The following GAS5 variants were observed in gnomAD, a reference collection of about 807,000 sequenced individuals.
The protein encoded by GAS5 is growth arrest specific 5.
At chr1:173,864,401 T>C in intron 6 of GAS5, 1 of 519,132 alleles carries the variant, frequency 1.9e-6, no homozygotes, top group Non-Finnish European at 3.8e-6. Flanking sequence ...GGTTTTACAG[T>C]GATATCATTA....
At chr1:173,867,525 G>GA (rs1417627720), upstream of GAS5, 12 of 388,830 alleles carry the variant, frequency 3.1e-5, no homozygotes, top group Non-Finnish European at 5.7e-5. Context: ...AAAGAAAAAA[G>GA]AAACACTAAT....
upstream of GAS5, chr1:173,867,965 A>G (rs1348751569): frequency 2.1e-5 from 7 of 340,918 alleles, no homozygotes; most frequent in Admixed American, 7.5e-5. Flanking sequence ...CATACCTCAC[A>G]GGAGTCGACT....
upstream of GAS5, chr1:173,868,378 C>A (rs188282970): frequency 2.5e-3 from 385 of 153,424 alleles, 4 homozygotes; most frequent in Non-Finnish European, 3.8e-3. Context: ...GTGTTCCGGC[C>A]CATTCCGGCC....
upstream of GAS5, chr1:173,868,012 G>A (rs777060034): frequency 4.6e-6 from 1 of 215,302 alleles, no homozygotes; most frequent in Non-Finnish European, 9.8e-6. Context: ...CTGGGCTCCT[G>A]TATATAAGAG....
chr1:173,867,087 C>T (rs749376235), upstream of GAS5: 51 of 645,078 alleles, frequency 7.9e-5, no homozygotes, highest in Non-Finnish European at 1.4e-4. Flanking sequence ...TTCCACGGTT[C>T]TTTTTTTTAA....
At chr1:173,865,284 T>C (rs1343319744) in intron 6 of GAS5, 1 of 425,534 alleles carries the variant, frequency 2.3e-6, no homozygotes, top group East Asian at 6.5e-5. Flanking sequence ...TCTCCATACC[T>C]GTAGAAATTT....
intron 2 of GAS5, chr1:173,866,588 G>A (rs1557873085): frequency 1.3e-6 from 1 of 761,962 alleles, no homozygotes; most frequent in Non-Finnish European, 2.4e-6. Context: ...ACAACTTCAT[G>A]TGAACTTAGG....
intron 6 of GAS5, chr1:173,864,612 A>T (rs1194504679): frequency 5.3e-6 from 2 of 378,258 alleles, no homozygotes; most frequent in Non-Finnish European, 1.0e-5. Flanking sequence ...TCTACAGATT[A>T]AGGTGTATAT....
intron 4 of GAS5, chr1:173,865,985 T>C (rs761011912): frequency 1.9e-6 from 1 of 519,222 alleles, no homozygotes; most frequent in South Asian, 1.4e-5. Flanking sequence ...TAGAGCTAAT[T>C]AAGACCTTCA....
At chr1:173,868,332 C>G (rs926380234), upstream of GAS5, 2 of 153,012 alleles carry the variant, frequency 1.3e-5, no homozygotes, top group Non-Finnish European at 2.9e-5. Context: ...GTCGCCCGCT[C>G]CGTGGGAGGG....
intron 6 of GAS5, chr1:173,864,599 C>G (rs1165349690): frequency 2.7e-6 from 1 of 376,356 alleles, no homozygotes. Flanking sequence ...CTAATCACTC[C>G]CATCTACAGA....
At chr1:173,866,254 A>G (rs1654598245) in intron 3 of GAS5, 2 of 493,162 alleles carry the variant, frequency 4.1e-6, no homozygotes, top group Non-Finnish European at 8.1e-6. Flanking sequence ...TTAATGGTAG[A>G]TTGGTGGTAC....
chr1:173,865,060 A>G (rs540734842), intron 6 of GAS5: 31 of 358,372 alleles, frequency 8.7e-5, no homozygotes, highest in African/African-American at 6.6e-4. Context: ...TTAGCCAGGC[A>G]TGGTGTCACA....
intron 3 of GAS5, chr1:173,866,500 T>G: frequency 3.0e-6 from 2 of 672,130 alleles, no homozygotes; most frequent in Admixed American, 4.0e-5. Context: ...CCCTTAAAAG[T>G]GAGAAGTACA....
At chr1:173,867,788 G>A (rs760930377), upstream of GAS5, 16 of 519,006 alleles carry the variant, frequency 3.1e-5, no homozygotes, top group South Asian at 1.8e-4. Context: ...CTCTAACATA[G>A]TCGCAGCTTA....
intron 2 of GAS5, chr1:173,866,609 A>C (rs2984704): frequency 0.053 from 40,500 of 763,482 alleles, 1,306 homozygotes; most frequent in Middle Eastern, 0.094. Context: ...TGTACTCTCT[A>C]TGTTCCCCAA....
At chr1:173,866,886 G>GA in intron 1 of GAS5, 1 of 765,444 alleles carries the variant, frequency 1.3e-6, no homozygotes, top group Non-Finnish European at 2.4e-6. Context: ...TAAAGCCTCA[G>GA]AATAGAATTT....
upstream of GAS5, chr1:173,867,670 T>G (rs559829869): frequency 3.9e-4 from 201 of 519,090 alleles, 6 homozygotes; most frequent in South Asian, 2.2e-3. Context: ...TGACTCGGCA[T>G]GTGCCACCAT....
chr1:173,866,433 A>G, intron 3 of GAS5: 1 of 598,652 alleles, frequency 1.7e-6, no homozygotes, highest in South Asian at 1.4e-5. Flanking sequence ...CTCATTTGAA[A>G]AGAGGGGAGA....
Sources: gnomAD v4.1 joint callset for allele counts on GRCh38, gnomAD v4.1.1 for gene constraint, MANE v1.5 for transcripts, NCBI Gene and HGNC (gene_info 2026-07-23, HGNC 2026-07-21) for gene names.